Variants in MTMR8 observed in about 807,000 individuals in gnomAD.
MTMR8 encodes myotubularin related protein 8, also known as phosphatidylinositol-3,5-bisphosphate 3-phosphatase MTMR8.
MTMR8 carries 65 observed loss-of-function variants against 39.3 expected under a neutral mutation model. The observed-to-expected ratio is 1.65, with a 90% CI of 1.35 to 2.03. MTMR8 has a LOEUF of 2.03. MTMR8 is among the 30% of genes most tolerant of loss of function. The pLI, the probability that MTMR8 is intolerant of heterozygous loss-of-function variation, is 0.00. For synonymous variants in MTMR8, 245 were observed against 185.2 expected (o/e 1.32, Z -2.62); for missense variants, 777 against 538.9 (o/e 1.44, Z -4.37).
chrX:64,313,649 C>T (rs1922379140), intron 12 of MTMR8, among the ~76,000 whole-genome samples: 1 of 112,428 alleles, frequency 8.9e-6, no homozygotes, highest in Admixed American at 9.4e-5. Flanking sequence ...TGTGACTCTT[C>T]GTTTCACTTG....
chrX:64,298,621 T>C (rs1345247152), intron 12 of MTMR8, among the ~76,000 whole-genome samples: 1 of 95,051 alleles, frequency 1.1e-5, no homozygotes, highest in Non-Finnish European at 1.9e-5. Context: ...CTATGTTGAA[T>C]AGGAGTGGTG....
At chrX:64,376,941 A>G (rs1924287588) in intron 1 of MTMR8, among the ~76,000 whole-genome samples, 1 of 111,346 alleles carries the variant, frequency 9.0e-6, no homozygotes, top group African/African-American at 3.3e-5. Context: ...GCTGTGTCCC[A>G]GCCACTCCAG....
chrX:64,285,278 C>G (rs1207207599), intron 12 of MTMR8, among the ~76,000 whole-genome samples: 1 of 111,605 alleles, frequency 9.0e-6, no homozygotes. Context: ...GCTAACTATC[C>G]TAAATATATA....
intron 1 of MTMR8, among the ~76,000 whole-genome samples, chrX:64,390,758 C>T (rs1445246021): frequency 9.0e-6 from 1 of 110,764 alleles, no homozygotes; most frequent in Non-Finnish European, 1.9e-5. Flanking sequence ...TTCAAGCCAT[C>T]CCCACCGCCC....
chrX:64,279,178 T>C (rs770640083), intron 12 of MTMR8, among the ~76,000 whole-genome samples: 1 of 112,003 alleles, frequency 8.9e-6, no homozygotes, highest in East Asian at 2.8e-4. Flanking sequence ...AAGCCACCCC[T>C]TCCCCCTAAC....
chrX:64,303,329 T>C (rs1173627118), intron 12 of MTMR8, among the ~76,000 whole-genome samples: 2 of 112,356 alleles, frequency 1.8e-5, no homozygotes, highest in East Asian at 2.8e-4. Flanking sequence ...TTTGGATAAA[T>C]TTCATAAGCT....
chrX:64,284,774 T>G (rs908804505), intron 12 of MTMR8, among the ~76,000 whole-genome samples: 63 of 111,583 alleles, frequency 5.6e-4, no homozygotes, highest in African/African-American at 2.1e-3. Flanking sequence ...AAGCAAATGC[T>G]GAGAGATTTT....
At chrX:64,360,444 G>A in intron 1 of MTMR8, 1 of 268,289 alleles carries the variant, frequency 3.7e-6, no homozygotes, top group Non-Finnish European at 6.9e-6. Flanking sequence ...CATTACAACT[G>A]AAAAACTCAA....
chrX:64,296,502 A>G (rs1317284311), intron 12 of MTMR8, among the ~76,000 whole-genome samples: 1 of 110,153 alleles, frequency 9.1e-6, no homozygotes, highest in Non-Finnish European at 1.9e-5. Flanking sequence ...AGCAAAAAAT[A>G]CCATGGGGCC....
intron 5 of MTMR8, among the ~76,000 whole-genome samples, chrX:64,349,399 T>C (rs1923426165): frequency 9.0e-6 from 1 of 111,717 alleles, no homozygotes; most frequent in African/African-American, 3.3e-5. Flanking sequence ...TGCATTACTA[T>C]ACTCCTTAGC....
At chrX:64,365,472 A>C (rs1334556508) in intron 1 of MTMR8, among the ~76,000 whole-genome samples, 3 of 112,061 alleles carry the variant, frequency 2.7e-5, no homozygotes, top group African/African-American at 9.7e-5. Flanking sequence ...TCTTAAAGAA[A>C]AGAATTTTCA....
At chrX:64,304,010 T>C (rs1921992350) in intron 12 of MTMR8, among the ~76,000 whole-genome samples, 1 of 111,998 alleles carries the variant, frequency 8.9e-6, no homozygotes, top group Admixed American at 9.5e-5. Context: ...GAAAAAGTTA[T>C]GATTTTTTTC....
intron 3 of MTMR8, 39 bp downstream of exon 3, chrX:64,356,137 T>C: frequency 8.6e-7 from 1 of 1,165,585 alleles, no homozygotes; most frequent in African/African-American, 1.8e-5. Flanking sequence ...TTTGGAAAAA[T>C]ATTAAAATGG....
chrX:64,302,011 G>C (rs1298724991), intron 12 of MTMR8, among the ~76,000 whole-genome samples: 1 of 112,562 alleles, frequency 8.9e-6, no homozygotes, highest in East Asian at 2.8e-4. Context: ...GGTTACTGCT[G>C]TCTTTTTGTT....
intron 11 of MTMR8, among the ~76,000 whole-genome samples, chrX:64,329,382 T>G (rs886788194): frequency 3.6e-5 from 4 of 111,933 alleles, no homozygotes; most frequent in Non-Finnish European, 5.6e-5. Context: ...ATATTTCATT[T>G]TACTTAAAGC....
At chrX:64,319,979 A>G (rs948554441) in intron 12 of MTMR8, among the ~76,000 whole-genome samples, 4 of 111,324 alleles carry the variant, frequency 3.6e-5, no homozygotes, top group Admixed American at 9.5e-5. Flanking sequence ...CATTGAATCT[A>G]TAAATTACCT....
At chrX:64,288,973 A>T (rs2147137646) in intron 12 of MTMR8, among the ~76,000 whole-genome samples, 1 of 110,380 alleles carries the variant, frequency 9.1e-6, no homozygotes, top group South Asian at 3.8e-4. Context: ...CATATGTAAC[A>T]AACCTGCATG....
chrX:64,270,797 T>C, intron 13 of MTMR8, 150 bp downstream of exon 13: 1 of 520,658 alleles, frequency 1.9e-6, no homozygotes, highest in Middle Eastern at 5.8e-4. Context: ...GGAGTTATGC[T>C]CAGAGATTTG....
intron 12 of MTMR8, among the ~76,000 whole-genome samples, chrX:64,292,891 G>A (rs572294183): frequency 8.9e-6 from 1 of 111,751 alleles, no homozygotes; most frequent in South Asian, 3.8e-4. Flanking sequence ...GAAGGTAGGA[G>A]TGACCCTCAA....
Sources: gnomAD v4.1 joint callset for allele counts (sites outside exome capture counted in the v4.1 genomes callset) on GRCh38, gnomAD v4.1.1 for gene constraint, MANE v1.5 for transcripts, NCBI Gene and HGNC (gene_info 2026-07-23, HGNC 2026-07-21) for gene names.